The following ZNF407 variants were observed in gnomAD, a reference collection of about 807,000 sequenced individuals.
ZNF407 encodes zinc finger protein 407.
Under a neutral mutation model 131.2 loss-of-function variants are expected in ZNF407, and 17 were observed. That is an observed-to-expected ratio of 0.13 (90% CI 0.09 to 0.19). The LOEUF (loss-of-function observed/expected upper bound fraction) is 0.19, where lower values mean the gene tolerates loss of function less well. Among genes scored for constraint, ZNF407 ranks in the 10% least tolerant of loss-of-function variants. The probability of loss-of-function intolerance (pLI) is 1.00; values close to 1 mark genes in which losing one functional copy is unlikely to be tolerated. For synonymous variants in ZNF407, 1,156 were observed against 1,062.0 expected (o/e 1.09, Z -1.72); for missense variants, 2,681 against 2,830.6 (o/e 0.95, Z 1.20).
chr18:74,802,926 G>GT (rs1377350813), intron 4 of ZNF407, among the ~76,000 whole-genome samples: 2 of 151,688 alleles, frequency 1.3e-5, no homozygotes, highest in African/African-American at 4.8e-5. Context: ...TTTTGTTGTT[G>GT]TTTTTTTCTT....
At chr18:75,018,276 C>T (rs1973068421) in intron 8 of ZNF407, among the ~76,000 whole-genome samples, 1 of 151,040 alleles carries the variant, frequency 6.6e-6, no homozygotes, top group Admixed American at 6.6e-5. Context: ...AAGAAAAAAC[C>T]CAAGCACCTA....
intron 3 of ZNF407, among the ~76,000 whole-genome samples, chr18:74,729,952 C>T (rs1471079521): frequency 1.3e-5 from 2 of 152,164 alleles, no homozygotes; most frequent in Non-Finnish European, 2.9e-5. Context: ...TATTGAACAG[C>T]TTCTTAAAAG....
chr18:74,623,588 AATGCCTTCTTTG>A (rs1983658719), intron 1 of ZNF407, among the ~76,000 whole-genome samples: 1 of 152,366 alleles, frequency 6.6e-6, no homozygotes, highest in African/African-American at 2.4e-5. Flanking sequence ...TTCTTCCCGA[AATGCCTTCTTTG>A]ATATGCAGAA....
intron 8 of ZNF407, among the ~76,000 whole-genome samples, chr18:75,054,182 G>T (rs540681987): frequency 6.6e-6 from 1 of 152,236 alleles, no homozygotes; most frequent in Non-Finnish European, 1.5e-5. Context: ...TACACAAGCA[G>T]CTGCTATCGT....
intron 3 of ZNF407, among the ~76,000 whole-genome samples, chr18:74,775,694 G>A (rs1969455216): frequency 6.6e-6 from 1 of 152,134 alleles, no homozygotes; most frequent in Non-Finnish European, 1.5e-5. Context: ...AGAAATACCT[G>A]ACGCTGAGTA....
chr18:74,782,650 T>A (rs1969628013), intron 4 of ZNF407, among the ~76,000 whole-genome samples: 1 of 151,940 alleles, frequency 6.6e-6, no homozygotes, highest in Non-Finnish European at 1.5e-5. Context: ...GATGGAGTCT[T>A]CCTCTGTCGC....
At chr18:74,885,945 A>T (rs1971302744) in intron 6 of ZNF407, among the ~76,000 whole-genome samples, 1 of 152,210 alleles carries the variant, frequency 6.6e-6, no homozygotes, top group Non-Finnish European at 1.5e-5. Context: ...CTGATTTATA[A>T]AATAAAAAAT....
Position 74,635,622 on chromosome 18 carries a change from C to G in ZNF407, c.4603C>G (p.Gln1535Glu). 6.2e-7 allele frequency: 1 copy of G among 1,613,412 alleles called. No homozygotes were observed. Among genetic ancestry groups the G allele is most frequent in the Admixed American group, 1.7e-5 (1 of 59,914 alleles). Residue 1535 changes from glutamine to glutamate, a missense_variant, in exon 2 of 9, where the codon CAG becomes GAG. Gln to Glu is a conservative substitution (Grantham distance 29). Transcript: ENST00000299687. The surrounding 1 kb of genome is among the most constrained non-coding windows in gnomAD (Gnocchi z 4.7). ...AATCAACCGCGAGAGGGAGGAAAAC[C>G]AGGGAAACGTCTGCAAGTATTGTGG... ...EQINREREEN[Q>E]GNVCKYCGKM... is the part of the protein sequence containing the mutation.
intron 8 of ZNF407, among the ~76,000 whole-genome samples, chr18:74,935,718 C>T (rs557240336): frequency 3.9e-5 from 6 of 152,130 alleles, no homozygotes; most frequent in African/African-American, 9.6e-5. Flanking sequence ...AAGAGGAGAT[C>T]GATGGAAGCA....
chr18:74,663,981 A>G (rs567989695), intron 3 of ZNF407, among the ~76,000 whole-genome samples: 33 of 152,294 alleles, frequency 2.2e-4, no homozygotes, highest in African/African-American at 7.5e-4. Flanking sequence ...TGTGCCACAA[A>G]CTATAACTGG....
chr18:75,059,513 A>G (rs936735045), intron 8 of ZNF407, among the ~76,000 whole-genome samples: 8 of 152,242 alleles, frequency 5.3e-5, no homozygotes, highest in Non-Finnish European at 1.0e-4. Flanking sequence ...ACTAAAAATG[A>G]CATTAAAATT....
intron 8 of ZNF407, among the ~76,000 whole-genome samples, chr18:74,959,759 C>G (rs1972317625): frequency 6.6e-6 from 1 of 152,186 alleles, no homozygotes; most frequent in African/African-American, 2.4e-5. Context: ...TCATTTGATA[C>G]ATGAAGTGAA....
At chr18:74,846,579 C>T (rs533319368) in intron 4 of ZNF407, among the ~76,000 whole-genome samples, 4 of 151,844 alleles carry the variant, frequency 2.6e-5, no homozygotes, top group African/African-American at 9.6e-5. Flanking sequence ...TCAGGTGATC[C>T]GCCTGCCTTG....
intron 8 of ZNF407, among the ~76,000 whole-genome samples, chr18:74,952,855 C>T (rs981072081): frequency 1.3e-5 from 2 of 152,100 alleles, no homozygotes; most frequent in Admixed American, 6.5e-5. Context: ...AGGCCAGGGC[C>T]GTGAAAATGT....
At chr18:74,874,321 C>A (rs910550153) in intron 4 of ZNF407, among the ~76,000 whole-genome samples, 1 of 152,242 alleles carries the variant, frequency 6.6e-6, no homozygotes, top group Non-Finnish European at 1.5e-5. Context: ...ACAATCTTCA[C>A]TAGTGAATTT....
chr18:74,956,116 A>G (rs1972272454), intron 8 of ZNF407, among the ~76,000 whole-genome samples: 1 of 152,130 alleles, frequency 6.6e-6, no homozygotes, highest in Non-Finnish European at 1.5e-5. Flanking sequence ...TTCTTTCCTA[A>G]ACTTCAGGTC....
intron 3 of ZNF407, among the ~76,000 whole-genome samples, chr18:74,749,121 C>T (rs1330399634): frequency 6.6e-6 from 1 of 152,158 alleles, no homozygotes; most frequent in Admixed American, 6.6e-5. Flanking sequence ...GACTAACATT[C>T]AGCCCACAAA....
At chr18:74,742,745 G>A (rs1402714031) in intron 3 of ZNF407, among the ~76,000 whole-genome samples, 3 of 152,104 alleles carry the variant, frequency 2.0e-5, no homozygotes, top group African/African-American at 7.2e-5. Flanking sequence ...TGTACTCCAA[G>A]AGCAGTGATG....
chr18:74,777,950 C>T (rs935698602), intron 3 of ZNF407, among the ~76,000 whole-genome samples: 7 of 152,186 alleles, frequency 4.6e-5, no homozygotes, highest in East Asian at 3.9e-4. Context: ...GGCCCAGTGG[C>T]GCATGGCTTC....
Sources: allele counts gnomAD v4.1 joint callset (sites outside exome capture counted in the v4.1 genomes callset), GRCh38; gene constraint gnomAD v4.1.1; non-coding constraint Gnocchi (gnomAD v3.1); transcripts MANE v1.5; gene names NCBI Gene and HGNC (gene_info 2026-07-23, HGNC 2026-07-21).